Variants in FGFR1 observed in about 807,000 individuals in gnomAD.
FGFR1 encodes fibroblast growth factor receptor 1.
FGFR1 carries 18 observed loss-of-function variants against 93.7 expected under a neutral mutation model. The observed-to-expected ratio is 0.19, with a 90% CI of 0.13 to 0.28. The LOEUF (loss-of-function observed/expected upper bound fraction) is 0.28. Among genes scored for constraint, FGFR1 ranks in the 10% least tolerant of loss-of-function variants. The pLI, the probability that FGFR1 is intolerant of heterozygous loss-of-function variation, is 1.00. For missense variants in FGFR1, 731 were observed against 1,080.4 expected (o/e 0.68, Z 4.53); for synonymous variants, 448 against 429.3 (o/e 1.04, Z -0.54).
At chr8:38,466,526 G>T (rs1359770561) in intron 1 of FGFR1, 1 of 230,940 alleles carries the variant, frequency 4.3e-6, no homozygotes, top group East Asian at 6.1e-5. Flanking sequence ...AAAGCACCCG[G>T]ACCGCCGCCA....
At chr8:38,439,967 C>T (rs2151099862) in intron 2 of FGFR1, among the ~76,000 whole-genome samples, 1 of 152,264 alleles carries the variant, frequency 6.6e-6, no homozygotes, top group South Asian at 2.1e-4. Context: ...GATAACTGGC[C>T]CCCAACAAAA....
intron 1 of FGFR1, among the ~76,000 whole-genome samples, chr8:38,458,472 C>CT: frequency 6.6e-6 from 1 of 151,902 alleles, no homozygotes; most frequent in Non-Finnish European, 1.5e-5. Flanking sequence ...ACTCAGGAGG[C>CT]GGAGGTTGCA....
intron 2 of FGFR1, among the ~76,000 whole-genome samples, chr8:38,450,938 CG>C (rs960874077): frequency 3.3e-5 from 5 of 152,190 alleles, no homozygotes; most frequent in African/African-American, 1.2e-4. Context: ...TCTCACAGGC[CG>C]AGGGCTGGGT....
chr8:38,440,144 C>T (rs1057013661), intron 2 of FGFR1, among the ~76,000 whole-genome samples: 2 of 151,884 alleles, frequency 1.3e-5, no homozygotes, highest in African/African-American at 4.8e-5. Context: ...GTATAAACTC[C>T]CCAGAGATAA....
At chr8:38,418,426 C>A in intron 9 of FGFR1, 53 bp from the exon 10 acceptor site, 1 of 1,582,472 alleles carries the variant, frequency 6.3e-7, no homozygotes, top group South Asian at 1.1e-5. Flanking sequence ...CGGGGTGACT[C>A]CTTCCCATTC....
chr8:38,447,266 T>A (rs994070328), intron 2 of FGFR1, among the ~76,000 whole-genome samples: 1 of 151,984 alleles, frequency 6.6e-6, no homozygotes, highest in African/African-American at 2.4e-5. Flanking sequence ...CAATTTGATA[T>A]AGAAAAATAG....
chr8:38,417,090 G>A (rs995555192), intron 12 of FGFR1, among the ~76,000 whole-genome samples: 1 of 152,198 alleles, frequency 6.6e-6, no homozygotes, highest in Admixed American at 6.5e-5. Flanking sequence ...AGCTGCCTCT[G>A]TTAACACACC....
chr8:38,444,231 C>T (rs1376191685), intron 2 of FGFR1, among the ~76,000 whole-genome samples: 4 of 152,068 alleles, frequency 2.6e-5, no homozygotes, highest in Non-Finnish European at 5.9e-5. Context: ...GTCTGTTCCA[C>T]GAATTTCCAG....
chr8:38,426,311 C>A lies in FGFR1; in HGVS notation c.622-66G>T, dbSNP rs191558119. 6.2e-7 allele frequency: 1 copy of A among 1,606,900 alleles called. No individual in the cohort carries two copies. The highest frequency in any genetic ancestry group is 1.1e-5 in the South Asian group (1 of 90,666). ...GAAAATGCAGGCCCCATGACAATGT[C>A]GGCACCCCGTGGCACCTGCCCTCCA... On this transcript the variant is annotated intron_variant, in intron 5 of 17. Coordinates refer to ENST00000447712, the MANE Select transcript of FGFR1 (RefSeq NM_023110.3). This position sits in a 1 kb window ranked among gnomAD's most constrained non-coding sequence, Gnocchi z 4.1.
In FGFR1 at chr8:38,468,006, C is replaced by A. The variant is rs1427299158; in HGVS notation, c.-114G>T. 3 of 220,718 alleles carry A rather than the reference C, an allele frequency of 1.4e-5. No homozygotes were observed. Among genetic ancestry groups the A allele is most frequent in the Admixed American group, 5.8e-5 (1 of 17,324 alleles). 13.7% of individuals were successfully genotyped at this position (220,718 alleles called of 1,614,324 possible). On this transcript the variant is annotated 5_prime_UTR_variant, in exon 1 of 18. Coordinates refer to ENST00000447712, the MANE Select transcript of FGFR1 (RefSeq NM_023110.3). The stretch of plus-strand genomic sequence containing the variant: ...CTCGCTCGGCGTGGAGGTTCCGCCT[C>A]GGGAGAGTCCGCCGTGGCTTGTGCG...
chr8:38,456,809 G>GATC (rs923113860), intron 2 of FGFR1, among the ~76,000 whole-genome samples: 1 of 152,178 alleles, frequency 6.6e-6, no homozygotes, highest in Admixed American at 6.6e-5. Context: ...GGCCTCAAGT[G>GATC]ATCCTCTTGC....
chr8:38,424,794 A>AT lies in FGFR1; in HGVS notation c.746-96dup. 1 of 1,325,316 alleles carries AT rather than the reference A, an allele frequency of 7.5e-7. No homozygotes were observed. Among genetic ancestry groups the AT allele is most frequent in the African/African-American group, 1.4e-5 (1 of 69,172 alleles). 82.1% of individuals were successfully genotyped at this position (1,325,316 alleles called of 1,614,324 possible). On this transcript the variant is annotated intron_variant, in intron 6 of 17. Transcript: ENST00000447712. This position sits in a 1 kb window ranked among gnomAD's most constrained non-coding sequence, Gnocchi z 4.3. ...TGCGCCCCACTTGGCTTTCCCAGTGATGGGTTGTAAACCTCCCAGCACTTC... is the reference window on the plus strand; with the variant it reads ...TGCGCCCCACTTGGCTTTCCCAGTGATTGGGTTGTAAACCTCCCAGCACTTC...
At chr8:38,422,096 C>G (rs184253439) in intron 7 of FGFR1, 155 bp from the exon 8 acceptor site, 42 of 845,404 alleles carry the variant, frequency 5.0e-5, no homozygotes, top group Non-Finnish European at 7.7e-5. Context: ...AACCACCAGG[C>G]AGCAAAACCT....
chr8:38,417,483 TG>T, intron 11 of FGFR1, 67 bp from the exon 12 acceptor site: 1 of 1,338,888 alleles, frequency 7.5e-7, no homozygotes, highest in Non-Finnish European at 1.1e-6. Context: ...GCTAAGGGAG[TG>T]GGGTATGTGT....
chr8:38,418,693 T>C (rs979420473), intron 9 of FGFR1: 7 of 406,330 alleles, frequency 1.7e-5, no homozygotes, highest in Non-Finnish European at 2.3e-5. Context: ...TGCAAATACT[T>C]TGCCTTAGCT....
chr8:38,416,027 T>C lies in FGFR1; in HGVS notation c.1697A>G (p.Lys566Arg), dbSNP rs531903077. ...CTGCAGGTACTCCCGCAGGTTGCCC[T>C]TGGAGGCATACTCCACGATGACATA... ...PLYVIVEYAS[K>R]GNLREYLQAR... Residue 566 changes from lysine (K) to arginine (R), a missense_variant, in exon 13 of 18, where the codon AAG becomes AGG. Around this residue, in one of 10 missense-constraint regions of FGFR1, gnomAD observed 62 missense variants for 99.5 expected, o/e 0.62. Transcript: ENST00000447712. The C allele has an allele frequency of 1.9e-6, 3 of 1,613,562 alleles. No individual in the cohort carries two copies. The East Asian group carries it at 6.7e-5, about 36-fold the overall frequency.
intron 2 of FGFR1, chr8:38,434,464 G>A: frequency 2.4e-6 from 1 of 409,260 alleles, no homozygotes; most frequent in Non-Finnish European, 4.7e-6. Flanking sequence ...ATCTCAGAAG[G>A]ACTGTGCAAG....
In FGFR1 at chr8:38,468,168, G is replaced by A. The variant is rs954076266; in HGVS notation, c.-276C>T. 4.4e-6 allele frequency: 1 copy of A among 228,324 alleles called. No homozygotes were observed. Among genetic ancestry groups the A allele is most frequent in the South Asian group, 1.8e-4 (1 of 5,496 alleles). The allele number at this position is 228,324 out of a possible 1,614,324, so 14.1% of individuals were successfully genotyped here. On this transcript the variant is annotated 5_prime_UTR_variant, in exon 1 of 18. Transcript: ENST00000447712. ...GGTGCTCGGCGCCTCCAGCCCGGGCGGGAACAATGGAGCCGGAGCTGGTGC... is the reference window on the plus strand; with the variant it reads ...GGTGCTCGGCGCCTCCAGCCCGGGCAGGAACAATGGAGCCGGAGCTGGTGC...
chr8:38,430,895 A>C (rs925845392), intron 2 of FGFR1: 3 of 152,282 alleles, frequency 2.0e-5, no homozygotes, highest in African/African-American at 7.3e-5. Flanking sequence ...GCGTTCAAGA[A>C]GGCCCGTGGC....
Sources: allele counts gnomAD v4.1 joint callset (sites outside exome capture counted in the v4.1 genomes callset), GRCh38; gene constraint gnomAD v4.1.1; regional missense constraint gnomAD v4.1.1; non-coding constraint Gnocchi (gnomAD v3.1); transcripts MANE v1.5; gene names NCBI Gene and HGNC (gene_info 2026-07-23, HGNC 2026-07-21).